The following LRRC4C variants were observed in gnomAD, a reference collection of about 807,000 sequenced individuals.
The protein encoded by LRRC4C is leucine rich repeat containing 4C.
LRRC4C carries 5 observed loss-of-function variants against 33.6 expected under a neutral mutation model. The observed-to-expected ratio is 0.15, with a 90% CI of 0.08 to 0.31. The LOEUF is 0.31. Among genes scored for constraint, LRRC4C ranks in the 10% least tolerant of loss-of-function variants. The pLI is 1.00. For synonymous variants in LRRC4C, 329 were observed against 302.0 expected, an observed-to-expected ratio of 1.09 and a Z score of -0.93; for missense variants, 560 against 796.7, an observed-to-expected ratio of 0.70 and a Z score of 3.58.
At chr11:40,251,010 T>C (rs2136178793) in intron 4 of LRRC4C, among the ~76,000 whole-genome samples, 1 of 152,252 alleles carries the variant, frequency 6.6e-6, no homozygotes, top group African/African-American at 2.4e-5. Flanking sequence ...CATGTTTAGG[T>C]AGTTTTAAAT....
rs528769865 is a variant in LRRC4C at position 41,228,213 on chromosome 11, T to C, written c.-496+231218A>G. On this transcript the variant is annotated intron_variant, in intron 1 of 6. Coordinates refer to ENST00000528697, the MANE Select transcript of LRRC4C (RefSeq NM_001258419.2). ...TTTATCATCTCACCCTTTCTTTGGG[T>C]TGGAGGTTCAATTTTCTCTTACTGA... Among the ~76,000 whole-genome samples the C allele has an allele frequency of 2.6e-5, 4 of 152,162 alleles. No homozygotes were observed. The East Asian group carries it at 5.8e-4, about 22-fold the overall frequency.
At chr11:40,255,175 A>G (rs1037412) in intron 4 of LRRC4C, among the ~76,000 whole-genome samples, 120,235 of 151,890 alleles carry the variant, frequency 0.79, 50,591 homozygotes, top group East Asian at 0.96. Flanking sequence ...TACAGGAAGT[A>G]TGAGGATAGG....
chr11:40,478,123 G>A (rs1953341481), intron 3 of LRRC4C, among the ~76,000 whole-genome samples: 2 of 152,080 alleles, frequency 1.3e-5, no homozygotes. Context: ...TCTTTCTTTT[G>A]CAAATTTCCC....
chr11:40,860,107 T>C (rs1404632572), intron 2 of LRRC4C, among the ~76,000 whole-genome samples: 1 of 150,818 alleles, frequency 6.6e-6, no homozygotes, highest in Admixed American at 6.6e-5. Flanking sequence ...AATAAATAAA[T>C]AAATAAATAA....
rs555905217 is a variant in LRRC4C, at chr11:40,432,627, G to A, written c.-269-112906C>T. Reference sequence around the variant, plus strand: ...TTGCAGGACATTTAGTATAAAATTGGTCTTCTCTACATGAATGTATGGATA... The same window carrying A: ...TTGCAGGACATTTAGTATAAAATTGATCTTCTCTACATGAATGTATGGATA... On this transcript the variant is annotated intron_variant, in intron 3 of 6. Coordinates refer to ENST00000528697, the MANE Select transcript of LRRC4C (RefSeq NM_001258419.2). Among the ~76,000 whole-genome samples, 6 of 152,268 alleles carry A rather than the reference G, an allele frequency of 3.9e-5. 1 individual carries two copies. In the East Asian group the frequency reaches 9.6e-4, roughly 24 times the overall value.
intron 1 of LRRC4C, among the ~76,000 whole-genome samples, chr11:41,022,142 TTATATA>T (rs142909883): frequency 2.9e-5 from 4 of 139,078 alleles, no homozygotes; most frequent in Non-Finnish European, 6.2e-5. Context: ...CAATTTTGTT[TTATATA>T]TATATATATA....
intron 3 of LRRC4C, among the ~76,000 whole-genome samples, chr11:40,499,432 A>C (rs1954633246): frequency 2.0e-5 from 3 of 152,218 alleles, no homozygotes; most frequent in Admixed American, 2.0e-4. Context: ...CTTTGGGTAA[A>C]AATGGCCATG....
At position 40,209,420 on chromosome 11, in the gene LRRC4C, C is replaced by A. The variant is rs535470349; in HGVS notation, c.-96+32099G>T. 3.3e-3 allele frequency among the ~76,000 whole-genome samples: 495 copies of A among 152,276 alleles called. 3 individuals are homozygous for A. The highest frequency in any genetic ancestry group is 0.011 in the African/African-American group (477 of 41,556). ...AATAACTGGTGATAAAGGCTAAAGG[C>A]TTTCCTTGAAATAATCAATCTTGGA... On this transcript the variant is annotated intron_variant, in intron 5 of 6. Coordinates refer to ENST00000528697, the MANE Select transcript of LRRC4C (RefSeq NM_001258419.2).
chr11:40,561,288 C>T (rs1194587955), intron 3 of LRRC4C, among the ~76,000 whole-genome samples: 3 of 151,826 alleles, frequency 2.0e-5, no homozygotes, highest in African/African-American at 2.4e-5. Flanking sequence ...TCTCTGATTA[C>T]GAGTGGAATG....
intron 2 of LRRC4C, among the ~76,000 whole-genome samples, chr11:40,724,640 A>G (rs918258410): frequency 1.3e-5 from 2 of 152,196 alleles, no homozygotes; most frequent in African/African-American, 4.8e-5. Flanking sequence ...AACACCAAAT[A>G]CCTACATCAA....
intron 3 of LRRC4C, among the ~76,000 whole-genome samples, chr11:40,334,433 A>T (rs1946505982): frequency 6.6e-6 from 1 of 152,196 alleles, no homozygotes; most frequent in South Asian, 2.1e-4. Context: ...AAAGATTTTA[A>T]GAGCAGTCTA....
intron 4 of LRRC4C, among the ~76,000 whole-genome samples, chr11:40,255,231 T>C (rs1289887156): frequency 6.6e-6 from 1 of 151,976 alleles, no homozygotes; most frequent in African/African-American, 2.4e-5. Flanking sequence ...CCGGACAAGG[T>C]GACACCTGAG....
At chr11:40,723,538 C>A (rs1947134114) in intron 2 of LRRC4C, among the ~76,000 whole-genome samples, 1 of 152,068 alleles carries the variant, frequency 6.6e-6, no homozygotes, top group South Asian at 2.1e-4. Flanking sequence ...GAAATAAAAT[C>A]TTTTGCAGAC....
chr11:40,250,827 T>C lies in LRRC4C; in HGVS notation c.-175-9229A>G, dbSNP rs1866733451. On this transcript the variant is annotated intron_variant, in intron 4 of 6. Transcript: ENST00000528697. ...TCTGACATTCCTTATTTCTGTAGAC[T>C]AGCTAACCACATATTTGGACTGAAG... 2.0e-5 allele frequency among the ~76,000 whole-genome samples: 3 copies of C among 152,194 alleles called. 1 individual carries two copies. In the South Asian group the frequency reaches 6.2e-4, roughly 32 times the overall value.
chr11:41,039,744 A>G (rs755246276), intron 1 of LRRC4C, among the ~76,000 whole-genome samples: 2 of 152,154 alleles, frequency 1.3e-5, no homozygotes, highest in African/African-American at 4.8e-5. Context: ...ACCCTTTTAG[A>G]GGAGGTTATA....
chr11:40,592,302 G>A (rs568457582), intron 3 of LRRC4C, among the ~76,000 whole-genome samples: 7 of 152,294 alleles, frequency 4.6e-5, no homozygotes, highest in African/African-American at 1.7e-4. Flanking sequence ...CCCAGGGAAG[G>A]AATTCTCACA....
intron 1 of LRRC4C, among the ~76,000 whole-genome samples, chr11:41,383,901 C>T (rs1953253560): frequency 6.6e-6 from 1 of 151,542 alleles, no homozygotes; most frequent in African/African-American, 2.4e-5. Flanking sequence ...AAAGAAACAC[C>T]AGGAAAATAT....
At chr11:41,261,028 TG>T (rs1237588314) in intron 1 of LRRC4C, among the ~76,000 whole-genome samples, 1 of 152,150 alleles carries the variant, frequency 6.6e-6, no homozygotes, top group Non-Finnish European at 1.5e-5. Context: ...CCAGCATAAA[TG>T]GAGGATCTGC....
intron 2 of LRRC4C, among the ~76,000 whole-genome samples, chr11:40,696,627 C>T (rs1441199458): frequency 6.7e-6 from 1 of 149,290 alleles, no homozygotes; most frequent in Admixed American, 6.7e-5. Flanking sequence ...GTGTCTTAGG[C>T]TAATGGGGAC....
Sources: gnomAD v4.1 joint callset for allele counts (sites outside exome capture counted in the v4.1 genomes callset) on GRCh38, gnomAD v4.1.1 for gene constraint, MANE v1.5 for transcripts, NCBI Gene and HGNC (gene_info 2026-07-23, HGNC 2026-07-21) for gene names.